ZSWIM6: variants seen among roughly 807,000 people sequenced by gnomAD.
ZSWIM6 encodes the protein zinc finger SWIM domain-containing protein 6.
In ZSWIM6, 9 loss-of-function variants were observed where a neutral mutation model predicts 113.2. The ratio of observed to expected loss-of-function variants is 0.08; its 90% CI spans 0.05 to 0.14. ZSWIM6 has a LOEUF of 0.14. Ranked by LOEUF, ZSWIM6 falls within the 10% of genes least tolerant of loss-of-function variation. ZSWIM6 has a pLI of 1.00. For synonymous variants in ZSWIM6, 611 were observed against 606.5 expected, an observed-to-expected ratio of 1.01 and a Z score of -0.11; for missense variants, 1,162 against 1,552.2, an observed-to-expected ratio of 0.75 and a Z score of 4.22.
chr5:61,335,504 A>G (rs1744372824), intron 1 of ZSWIM6, among the ~76,000 whole-genome samples: 1 of 152,238 alleles, frequency 6.6e-6, no homozygotes, highest in African/African-American at 2.4e-5. Context: ...ATTTAGCTTC[A>G]AGTAGTGGTT....
intron 1 of ZSWIM6, among the ~76,000 whole-genome samples, chr5:61,364,127 A>G (rs565343082): frequency 6.6e-5 from 10 of 151,780 alleles, no homozygotes; most frequent in African/African-American, 2.2e-4. Context: ...TCACTGCAGT[A>G]CCAACCTCCT....
intron 1 of ZSWIM6, among the ~76,000 whole-genome samples, chr5:61,376,983 G>A (rs1745385584): frequency 6.6e-6 from 1 of 151,756 alleles, no homozygotes; most frequent in African/African-American, 2.4e-5. Flanking sequence ...TGGCAAGCCT[G>A]GTATGCTGTG....
intron 1 of ZSWIM6, among the ~76,000 whole-genome samples, chr5:61,432,173 C>G (rs911597204): frequency 1.3e-5 from 2 of 152,200 alleles, no homozygotes; most frequent in Non-Finnish European, 2.9e-5. Flanking sequence ...TAGAGAATTT[C>G]AAAACAATTT....
chr5:61,347,089 G>A (rs1447792476), intron 1 of ZSWIM6: 2 of 153,104 alleles, frequency 1.3e-5, no homozygotes, highest in African/African-American at 4.8e-5. Flanking sequence ...TTACTGTTAT[G>A]TAATTGGGTA....
intron 12 of ZSWIM6, among the ~76,000 whole-genome samples, chr5:61,540,335 A>G (rs1749695580): frequency 6.6e-6 from 1 of 152,198 alleles, no homozygotes; most frequent in East Asian, 1.9e-4. Flanking sequence ...GTTTCTGAAC[A>G]GATCACTGGA....
chr5:61,464,244 C>T (rs1353204680), intron 1 of ZSWIM6, among the ~76,000 whole-genome samples: 1 of 130,800 alleles, frequency 7.6e-6, no homozygotes, highest in Admixed American at 8.9e-5. Context: ...AGTCTCAAAA[C>T]TCCTGACCTC....
At chr5:61,524,952 G>A (rs1401025950) in intron 5 of ZSWIM6, among the ~76,000 whole-genome samples, 1 of 152,220 alleles carries the variant, frequency 6.6e-6, no homozygotes, top group Non-Finnish European at 1.5e-5. Flanking sequence ...CTTAGGAATT[G>A]AATAATCCCA....
chr5:61,528,508 A>G (rs1202180504), intron 7 of ZSWIM6, among the ~76,000 whole-genome samples: 1 of 152,046 alleles, frequency 6.6e-6, no homozygotes, highest in African/African-American at 2.4e-5. Flanking sequence ...GAAAGCCAGC[A>G]ACAGAAATTG....
intron 1 of ZSWIM6, among the ~76,000 whole-genome samples, chr5:61,419,501 C>T (rs902838720): frequency 6.6e-6 from 1 of 152,130 alleles, no homozygotes. Flanking sequence ...ACTGAGCTGC[C>T]CAGTAAGGCA....
rs184208908 is a variant in ZSWIM6 at position 61,380,327 on chromosome 5, C to T, written c.676+47379C>T. The stretch of plus-strand genomic sequence containing the variant: ...CTGACCTCAGGTGATCCGCCTGCCT[C>T]GGCCTCCCAAAGTGCTGGCATTACA... On this transcript the variant is annotated intron_variant, in intron 1 of 13. Coordinates refer to ENST00000252744, the MANE Select transcript of ZSWIM6 (RefSeq NM_020928.2). 8.1e-3 allele frequency among the ~76,000 whole-genome samples: 1,230 copies of T among 152,294 alleles called. 9 individuals are homozygous for T. The highest frequency in any genetic ancestry group is 0.012 in the Non-Finnish European group (817 of 68,016).
intron 1 of ZSWIM6, among the ~76,000 whole-genome samples, chr5:61,439,429 G>T (rs977862229): frequency 7.9e-5 from 12 of 152,180 alleles, no homozygotes; most frequent in African/African-American, 2.9e-4. Context: ...CAGGACTAGG[G>T]TTTTTAAGCT....
At chr5:61,432,486 A>C (rs1746606195) in intron 1 of ZSWIM6, among the ~76,000 whole-genome samples, 1 of 152,250 alleles carries the variant, frequency 6.6e-6, no homozygotes, top group African/African-American at 2.4e-5. Flanking sequence ...TGACTACTGC[A>C]CTGGGCACCA....
chr5:61,474,770 C>T (rs145370438), intron 2 of ZSWIM6, among the ~76,000 whole-genome samples: 3 of 152,130 alleles, frequency 2.0e-5, no homozygotes, highest in East Asian at 3.9e-4. Flanking sequence ...TTGAAAGGAG[C>T]TGCTGTAAAC....
chr5:61,484,484 C>T (rs758200095), intron 2 of ZSWIM6, among the ~76,000 whole-genome samples: 3 of 152,012 alleles, frequency 2.0e-5, no homozygotes, highest in African/African-American at 4.8e-5. Context: ...CAAAGGAGGA[C>T]GTTGGGAAGA....
rs1245844524 is a variant in ZSWIM6, at chr5:61,375,510, G to A, written c.676+42562G>A. 9.6e-6 allele frequency: 15 copies of A among 1,554,858 alleles called. No homozygotes were observed. The African/African-American group carries it at 1.2e-4, about 13-fold the overall frequency. On this transcript the variant is annotated intron_variant, in intron 1 of 13. Transcript: ENST00000252744. ...ATAAGAAACAAGGAAAACAGAGAAA[G>A]AAAAAGAAGAACCGTTCACATAAAT...
In ZSWIM6 at chr5:61,355,351, A is replaced by G. The variant is rs1248125884; in HGVS notation, c.676+22403A>G. Among the ~76,000 whole-genome samples, 4 of 151,978 alleles carry G rather than the reference A, an allele frequency of 2.6e-5. No individual in the cohort carries two copies. In the East Asian group the frequency reaches 7.7e-4, roughly 29 times the overall value. On this transcript the variant is annotated intron_variant, in intron 1 of 13. Transcript: ENST00000252744. ...TGCCCCCGGCTTTCAGACTAGAAAAATAAATAGCAGTGATGGTATTGATGT... is the reference window on the plus strand; with the variant it reads ...TGCCCCCGGCTTTCAGACTAGAAAAGTAAATAGCAGTGATGGTATTGATGT...
At chr5:61,362,388 G>C (rs1251020960) in intron 1 of ZSWIM6, among the ~76,000 whole-genome samples, 5 of 152,100 alleles carry the variant, frequency 3.3e-5, no homozygotes, top group Non-Finnish European at 7.3e-5. Context: ...AGTAGAGATG[G>C]GGTTTCGCCA....
At chr5:61,336,271 A>G (rs1488571317) in intron 1 of ZSWIM6, among the ~76,000 whole-genome samples, 3 of 152,124 alleles carry the variant, frequency 2.0e-5, no homozygotes, top group African/African-American at 7.2e-5. Context: ...CTCAAAAAAG[A>G]AAAGAAGAAT....
At chr5:61,431,421 T>C (rs898340003) in intron 1 of ZSWIM6, among the ~76,000 whole-genome samples, 2 of 144,586 alleles carry the variant, frequency 1.4e-5, no homozygotes, top group African/African-American at 5.1e-5. Context: ...AAATAAATCG[T>C]GATCTTTTTT....
Sources: allele counts gnomAD v4.1 joint callset (sites outside exome capture counted in the v4.1 genomes callset), GRCh38; gene constraint gnomAD v4.1.1; transcripts MANE v1.5; gene names NCBI Gene and HGNC (gene_info 2026-07-23, HGNC 2026-07-21).